Variants in FAM76A observed in about 807,000 individuals in gnomAD.
FAM76A encodes the protein protein FAM76A.
FAM76A carries 32 observed loss-of-function variants against 46.2 expected under a neutral mutation model. The observed-to-expected ratio is 0.69, with a 90% CI of 0.52 to 0.93. The LOEUF (loss-of-function observed/expected upper bound fraction) is 0.93. Ranked by LOEUF, FAM76A falls within the 40% of genes least tolerant of loss-of-function variation. FAM76A has a pLI of 0.00. For missense variants in FAM76A, 274 were observed against 361.5 expected (o/e 0.76, Z 1.96); for synonymous variants, 137 against 127.0 (o/e 1.08, Z -0.53).
At chr1:27,741,850 T>G (rs927476845) in intron 4 of FAM76A, among the ~76,000 whole-genome samples, 1 of 149,324 alleles carries the variant, frequency 6.7e-6, no homozygotes, top group Admixed American at 6.7e-5. Flanking sequence ...GTCTCTGTGC[T>G]CCAGCCTGGG....
chr1:27,742,792 G>A (rs1449172115), intron 4 of FAM76A, among the ~76,000 whole-genome samples: 1 of 152,204 alleles, frequency 6.6e-6, no homozygotes, highest in Non-Finnish European at 1.5e-5. Flanking sequence ...GAGGTGCAGT[G>A]GCTCACGCCT....
chr1:27,759,806 C>T (rs536187368), intron 8 of FAM76A, 179 bp downstream of exon 8: 12 of 508,264 alleles, frequency 2.4e-5, no homozygotes, highest in Admixed American at 1.1e-4. Flanking sequence ...GGTTCTCTGT[C>T]GCCTAGGCTG....
chr1:27,760,157 G>A (rs2088481770), intron 8 of FAM76A: 1 of 360,424 alleles, frequency 2.8e-6, no homozygotes, highest in African/African-American at 2.1e-5. Context: ...TATGTTCTTT[G>A]ATTTTTGAAT....
At chr1:27,729,855 C>T (rs1003892768) in intron 2 of FAM76A, among the ~76,000 whole-genome samples, 2 of 152,140 alleles carry the variant, frequency 1.3e-5, no homozygotes, top group African/African-American at 2.4e-5. Context: ...AGCCCCAAAC[C>T]CTATCAAAAT....
At chr1:27,755,735 G>A (rs1046243461) in intron 7 of FAM76A, among the ~76,000 whole-genome samples, 2 of 152,016 alleles carry the variant, frequency 1.3e-5, no homozygotes, top group African/African-American at 4.8e-5. Context: ...CACTGTACCC[G>A]GCCAATTTTT....
intron 7 of FAM76A, among the ~76,000 whole-genome samples, chr1:27,757,260 A>G (rs1193571669): frequency 7.9e-5 from 11 of 139,340 alleles, no homozygotes; most frequent in African/African-American, 2.5e-4. Flanking sequence ...CAGTGGTGCA[A>G]TAGTTCACTG....
At chr1:27,727,662 AC>A in intron 2 of FAM76A, 126 bp downstream of exon 2, 1 of 691,084 alleles carries the variant, frequency 1.4e-6, no homozygotes, top group Non-Finnish European at 2.5e-6. Context: ...GTAATCAATC[AC>A]ATTATATACA....
chr1:27,737,875 A>AAAAAAAAAAAAAAAAAAAAG (rs2088079482), intron 4 of FAM76A, among the ~76,000 whole-genome samples: 1 of 145,904 alleles, frequency 6.9e-6, no homozygotes, highest in Non-Finnish European at 1.5e-5. Context: ...CAACAAAAAA[A>AAAAAAAAAAAAAAAAAAAAG]AAAAAAAAAA....
chr1:27,727,036 G>A (rs2087873218), intron 1 of FAM76A, among the ~76,000 whole-genome samples: 1 of 152,082 alleles, frequency 6.6e-6, no homozygotes, highest in Non-Finnish European at 1.5e-5. Context: ...CCAGGTCTGG[G>A]GGAATGCAAG....
intron 6 of FAM76A, among the ~76,000 whole-genome samples, chr1:27,749,622 C>T (rs571205135): frequency 2.0e-5 from 3 of 152,270 alleles, no homozygotes; most frequent in East Asian, 1.9e-4. Context: ...TCCCAAAGTG[C>T]GGGGATTACA....
intron 6 of FAM76A, among the ~76,000 whole-genome samples, chr1:27,750,131 C>A (rs1313731376): frequency 6.6e-6 from 1 of 152,188 alleles, no homozygotes; most frequent in Non-Finnish European, 1.5e-5. Flanking sequence ...ATCCTGAAAA[C>A]TCCTCCCATT....
intron 4 of FAM76A, among the ~76,000 whole-genome samples, chr1:27,741,559 T>A (rs529710727): frequency 3.8e-4 from 58 of 152,014 alleles, no homozygotes; most frequent in African/African-American, 7.2e-4. Flanking sequence ...ATAAAAAAAA[T>A]TTTTTTTCCA....
Position 27,761,148 on chromosome 1 carries a change from A to G in FAM76A, c.*567A>G, listed in dbSNP as rs964265256. ...CGGTTTTTTTCCAGATGTATTATGT[A>G]TGAACTTTGTACTATGTATAGCCAG... On this transcript the variant is annotated 3_prime_UTR_variant, in exon 9 of 9. Coordinates refer to ENST00000373954, the MANE Select transcript of FAM76A (RefSeq NM_152660.3). 62 of 152,102 alleles carry G rather than the reference A, an allele frequency of 4.1e-4. No homozygotes were observed. Among genetic ancestry groups the G allele is most frequent in the African/African-American group, 1.4e-3 (57 of 41,438 alleles). The allele number at this position is 152,102 out of a possible 1,614,324, so 9.4% of individuals were successfully genotyped here. A position where few individuals can be genotyped will look rare whatever the true frequency, so the allele number is the denominator to read the frequency against.
Position 27,752,475 on chromosome 1 carries a change from C to T in FAM76A, c.600-2720C>T, listed in dbSNP as rs182004866. Among the ~76,000 whole-genome samples the T allele has an allele frequency of 1.1e-3, 169 of 152,162 alleles. 1 individual carries two copies. Among genetic ancestry groups the T allele is most frequent in the Non-Finnish European group, 2.0e-3 (137 of 68,018 alleles). On this transcript the variant is annotated intron_variant, in intron 6 of 8. Transcript: ENST00000373954. Reference sequence around the variant, plus strand: ...GAAAATACACTGGCTACTTTTTAATCATGTGTGTTTATTTTTCCATAGGCA... The same window carrying T: ...GAAAATACACTGGCTACTTTTTAATTATGTGTGTTTATTTTTCCATAGGCA...
At chr1:27,736,388 C>G (rs2088046289) in intron 4 of FAM76A, among the ~76,000 whole-genome samples, 1 of 152,110 alleles carries the variant, frequency 6.6e-6, no homozygotes. Flanking sequence ...AGTTCTGTCA[C>G]TTATTAACTG....
chr1:27,731,092 C>T (rs112560697), intron 2 of FAM76A, among the ~76,000 whole-genome samples: 1 of 152,002 alleles, frequency 6.6e-6, no homozygotes, highest in Non-Finnish European at 1.5e-5. Context: ...ATTTTTCCCC[C>T]GGGCAGCTTT....
intron 5 of FAM76A, among the ~76,000 whole-genome samples, chr1:27,746,757 C>T (rs918458032): frequency 1.9e-4 from 29 of 151,988 alleles, no homozygotes; most frequent in African/African-American, 5.6e-4. Flanking sequence ...AAAAGAATCA[C>T]TGGGGGTAGG....
chr1:27,748,751 G>A (rs2088287284), intron 5 of FAM76A, among the ~76,000 whole-genome samples: 1 of 152,148 alleles, frequency 6.6e-6, no homozygotes, highest in African/African-American at 2.4e-5. Flanking sequence ...AAAGTGCCGG[G>A]ATTACAGGCG....
At position 27,762,292 on chromosome 1, in the gene FAM76A, T is replaced by C. The variant is rs997344320; in HGVS notation, c.*1711T>C. ...ACTCTCAGGTCCTCTATGTGATGTTTGTGAAAGGAATTAGGGTGTGTCATG... is the reference window on the plus strand; with the variant it reads ...ACTCTCAGGTCCTCTATGTGATGTTCGTGAAAGGAATTAGGGTGTGTCATG... On this transcript the variant is annotated 3_prime_UTR_variant, in exon 9 of 9. Transcript: ENST00000373954. The C allele has an allele frequency of 6.6e-6, 1 of 152,180 alleles. No homozygotes were observed. The highest frequency in any genetic ancestry group is 1.5e-5 in the Non-Finnish European group (1 of 68,026). The allele number at this position is 152,180 out of a possible 1,614,324, so 9.4% of individuals were successfully genotyped here.
Sources: allele counts gnomAD v4.1 joint callset (sites outside exome capture counted in the v4.1 genomes callset), GRCh38; gene constraint gnomAD v4.1.1; transcripts MANE v1.5; gene names NCBI Gene and HGNC (gene_info 2026-07-23, HGNC 2026-07-21).